CCDC3: variants seen among roughly 807,000 people sequenced by gnomAD.
The protein encoded by CCDC3 is coiled-coil domain-containing protein 3.
Under a neutral mutation model 21.4 loss-of-function variants are expected in CCDC3, and 24 were observed. That is an observed-to-expected ratio of 1.12 (90% confidence interval 0.81 to 1.58). CCDC3 has a LOEUF of 1.58. Among genes scored for constraint, CCDC3 ranks in the 40% most tolerant of loss-of-function variants. The probability of loss-of-function intolerance (pLI) is 0.00; values close to 1 mark genes in which losing one functional copy is unlikely to be tolerated. For missense variants in CCDC3, 425 were observed against 360.9 expected (o/e 1.18, Z -1.44); for synonymous variants, 186 against 166.0 (o/e 1.12, Z -0.93).
chr10:12,902,890 C>T (rs768593289), intron 2 of CCDC3, among the ~76,000 whole-genome samples: 4 of 152,124 alleles, frequency 2.6e-5, no homozygotes, highest in Non-Finnish European at 5.9e-5. Context: ...AACAGAGGGA[C>T]GCCTTGAAGT....
chr10:12,906,514 C>T (rs532584020), intron 2 of CCDC3, among the ~76,000 whole-genome samples: 24 of 152,212 alleles, frequency 1.6e-4, no homozygotes, highest in Non-Finnish European at 2.2e-4. Flanking sequence ...AGGAGGTAGC[C>T]GGGCAGTGTG....
intron 2 of CCDC3, among the ~76,000 whole-genome samples, chr10:12,969,586 G>A (rs1835310966): frequency 6.6e-6 from 1 of 151,026 alleles, no homozygotes; most frequent in African/African-American, 2.4e-5. Flanking sequence ...TGAAAAAGAA[G>A]CCAACCTAAG....
At chr10:12,902,052 C>A (rs1425216323) in intron 2 of CCDC3, among the ~76,000 whole-genome samples, 2 of 152,206 alleles carry the variant, frequency 1.3e-5, no homozygotes, top group African/African-American at 4.8e-5. Flanking sequence ...GCTATTCACA[C>A]CACACGCCAA....
At chr10:12,901,068 A>C (rs1220448491) in intron 2 of CCDC3, among the ~76,000 whole-genome samples, 2 of 152,160 alleles carry the variant, frequency 1.3e-5, no homozygotes, top group East Asian at 3.9e-4. Flanking sequence ...CAGGGTATGA[A>C]GACCAAGGCC....
intron 2 of CCDC3, among the ~76,000 whole-genome samples, chr10:12,963,812 C>T (rs141299553): frequency 1.2e-3 from 182 of 152,052 alleles, no homozygotes; most frequent in African/African-American, 4.3e-3. Flanking sequence ...AAACTCCTGA[C>T]CTGAAAGTGA....
In CCDC3 at chr10:12,970,356, C is replaced by T. The variant is rs370697140; in HGVS notation, c.549+27982G>A. ...GGGTATTAAATGCATTTTCAACTTA[C>T]GGTGGGTTTATTGCTGTACAACCCC... On this transcript the variant is annotated intron_variant, in intron 2 of 2. Coordinates refer to ENST00000378825, the MANE Select transcript of CCDC3 (RefSeq NM_031455.4). Among the ~76,000 whole-genome samples the T allele has an allele frequency of 1.1e-4, 16 of 152,186 alleles. No homozygotes were observed. The East Asian group carries it at 1.9e-3, about 18-fold the overall frequency.
chr10:13,066,123 T>C (rs1028909257), intron 4 of CCDC3, among the ~76,000 whole-genome samples: 2 of 152,022 alleles, frequency 1.3e-5, no homozygotes, highest in African/African-American at 4.8e-5. Flanking sequence ...ATATCTGGAG[T>C]TGAGCCTAGG....
At chr10:13,079,018 A>T (rs987857859) in intron 3 of CCDC3, among the ~76,000 whole-genome samples, 17 of 151,836 alleles carry the variant, frequency 1.1e-4, no homozygotes, top group African/African-American at 1.7e-4. Context: ...AATAATAATT[A>T]AAAAAAAATT....
chr10:12,976,745 A>C (rs1304436107), intron 2 of CCDC3, among the ~76,000 whole-genome samples: 1 of 152,224 alleles, frequency 6.6e-6, no homozygotes, highest in East Asian at 1.9e-4. Flanking sequence ...TTCTTGGGGC[A>C]GTGAAGTGGC....
At chr10:13,020,971 CGAATGAAT>C (rs1034334782) in intron 5 of CCDC3, among the ~76,000 whole-genome samples, 1 of 152,090 alleles carries the variant, frequency 6.6e-6, no homozygotes, top group South Asian at 2.1e-4. Flanking sequence ...GCTGAATGAA[CGAATGAAT>C]GAATGAATGA....
intron 2 of CCDC3, among the ~76,000 whole-genome samples, chr10:12,908,328 TCTAA>T (rs1347856039): frequency 6.6e-6 from 1 of 152,220 alleles, no homozygotes; most frequent in Non-Finnish European, 1.5e-5. Flanking sequence ...ATTAAACCTC[TCTAA>T]CTTTGTTTTA....
intron 2 of CCDC3, among the ~76,000 whole-genome samples, chr10:12,973,764 A>T (rs1835376521): frequency 6.6e-6 from 1 of 151,600 alleles, no homozygotes; most frequent in African/African-American, 2.4e-5. Flanking sequence ...CCACGGCCTT[A>T]CTTGGTCTTC....
chr10:13,059,212 G>T (rs1447707739), intron 4 of CCDC3, among the ~76,000 whole-genome samples: 2 of 152,100 alleles, frequency 1.3e-5, no homozygotes, highest in Non-Finnish European at 2.9e-5. Flanking sequence ...TCCGGGTGAC[G>T]CCAAGGCAAC....
chr10:13,068,715 T>C (rs1159209875), intron 4 of CCDC3, among the ~76,000 whole-genome samples: 2 of 152,176 alleles, frequency 1.3e-5, no homozygotes, highest in Non-Finnish European at 2.9e-5. Context: ...CTGCGACTTG[T>C]ACATAATTAT....
intron 4 of CCDC3, among the ~76,000 whole-genome samples, chr10:13,060,318 T>C (rs1836740088): frequency 6.6e-6 from 1 of 152,052 alleles, no homozygotes; most frequent in Admixed American, 6.6e-5. Flanking sequence ...ATTGGCTCTC[T>C]TGGGAAAACT....
chr10:13,083,314 A>G (rs1018000742), intron 3 of CCDC3, among the ~76,000 whole-genome samples: 51 of 152,364 alleles, frequency 3.3e-4, no homozygotes, highest in African/African-American at 1.1e-3. Flanking sequence ...CTCAAGCAAA[A>G]TAGCTAGAAC....
chr10:13,067,796 AATATTG>A (rs1223915033), intron 4 of CCDC3, among the ~76,000 whole-genome samples: 1 of 152,230 alleles, frequency 6.6e-6, no homozygotes, highest in Non-Finnish European at 1.5e-5. Flanking sequence ...GAAAGCCAGA[AATATTG>A]GCCACTTGGC....
chr10:12,929,860 A>G (rs1484014548), intron 2 of CCDC3, among the ~76,000 whole-genome samples: 1 of 152,230 alleles, frequency 6.6e-6, no homozygotes, highest in African/African-American at 2.4e-5. Flanking sequence ...AAAATGGTAA[A>G]ATGCTGTACC....
At chr10:12,899,949 G>C (rs1428384109) in intron 2 of CCDC3, among the ~76,000 whole-genome samples, 2 of 152,216 alleles carry the variant, frequency 1.3e-5, no homozygotes, top group Non-Finnish European at 2.9e-5. Flanking sequence ...TCATGGGAGG[G>C]ACCCAGTGGG....
Sources: gnomAD v4.1 joint callset for allele counts (sites outside exome capture counted in the v4.1 genomes callset) on GRCh38, gnomAD v4.1.1 for gene constraint, MANE v1.5 for transcripts, NCBI Gene and HGNC (gene_info 2026-07-23, HGNC 2026-07-21) for gene names.